Variants in ADAMTS12 observed in about 807,000 individuals in gnomAD.
ADAMTS12 encodes the protein A disintegrin and metalloproteinase with thrombospondin motifs 12.
ADAMTS12 carries 118 observed loss-of-function variants against 167.8 expected under a neutral mutation model. The ratio of observed to expected loss-of-function variants is 0.70; its 90% CI spans 0.61 to 0.82. The LOEUF is 0.82. Ranked by LOEUF, ADAMTS12 falls within the 40% of genes least tolerant of loss-of-function variation. ADAMTS12 has a pLI of 0.00. For synonymous variants in ADAMTS12, 704 were observed against 716.9 expected (o/e 0.98, Z 0.29); for missense variants, 1,916 against 1,998.8 (o/e 0.96, Z 0.79).
chr5:33,527,243 G>A lies in ADAMTS12; in HGVS notation c.4730C>T (p.Thr1577Ile). The stretch of plus-strand genomic sequence containing the variant: ...TTGCCTTCTTTGCCTTTGGGTGTGT[G>A]TGATGTGTGTCTGGGGACACGAGAA... ...CCFSCPQTHI[T>I]HTQRQRRQRL... is the part of the protein sequence containing the mutation. The change falls in exon 24 of 24, where the codon ACA becomes ATA. Residue 1577 changes from threonine to isoleucine, a missense_variant. Transcript: ENST00000504830. The A allele has an allele frequency of 1.2e-6, 2 of 1,614,140 alleles. No homozygotes were observed. The highest frequency in any genetic ancestry group is 1.7e-6 in the Non-Finnish European group (2 of 1,180,028).
intron 2 of ADAMTS12, among the ~76,000 whole-genome samples, chr5:33,835,933 CTCTCTCTCTCTCTCTCTCTCTGTG>C (rs1233639050): frequency 1.9e-5 from 1 of 52,362 alleles, no homozygotes; most frequent in African/African-American, 5.8e-5. Flanking sequence ...CTCTCTCTCT[CTCTCTCTCTCTCTCTCTCTCTGTG>C]TGTGTGTGTG....
chr5:33,586,571 T>C (rs956248941), intron 18 of ADAMTS12, among the ~76,000 whole-genome samples: 1 of 152,202 alleles, frequency 6.6e-6, no homozygotes, highest in African/African-American at 2.4e-5. Context: ...CCCATAAACG[T>C]GAACACATTA....
intron 23 of ADAMTS12, among the ~76,000 whole-genome samples, chr5:33,530,083 C>A (rs1346349058): frequency 8.4e-6 from 1 of 119,364 alleles, no homozygotes; most frequent in African/African-American, 3.8e-5. Context: ...CCATGCCCAG[C>A]TAATTTTTTT....
At chr5:33,543,946 T>G (rs1744834408) in intron 22 of ADAMTS12, among the ~76,000 whole-genome samples, 1 of 152,150 alleles carries the variant, frequency 6.6e-6, no homozygotes, top group African/African-American at 2.4e-5. Flanking sequence ...CTTTGAAAAC[T>G]GGCACAAGAC....
intron 16 of ADAMTS12, among the ~76,000 whole-genome samples, chr5:33,610,090 A>G (rs921740100): frequency 1.3e-5 from 2 of 152,204 alleles, no homozygotes; most frequent in African/African-American, 4.8e-5. Context: ...GAGACAAGAG[A>G]GAATCACTTG....
At chr5:33,558,169 A>G (rs1031570024) in intron 20 of ADAMTS12, among the ~76,000 whole-genome samples, 1 of 152,178 alleles carries the variant, frequency 6.6e-6, no homozygotes, top group Non-Finnish European at 1.5e-5. Context: ...AGTCCGTGGA[A>G]AAAGAATTTT....
At chr5:33,858,116 A>T (rs2111677655) in intron 2 of ADAMTS12, among the ~76,000 whole-genome samples, 1 of 152,358 alleles carries the variant, frequency 6.6e-6, no homozygotes, top group Admixed American at 6.5e-5. Flanking sequence ...AAGAATTGAA[A>T]TAATATAAAC....
intron 14 of ADAMTS12, 55 bp downstream of exon 14, chr5:33,624,176 A>G: frequency 1.2e-6 from 2 of 1,608,624 alleles, no homozygotes; most frequent in Non-Finnish European, 1.7e-6. Context: ...TCAACCATTT[A>G]TCTTGCCCCC....
chr5:33,600,410 T>C (rs1738131036), intron 16 of ADAMTS12, among the ~76,000 whole-genome samples: 1 of 152,304 alleles, frequency 6.6e-6, no homozygotes, highest in African/African-American at 2.4e-5. Flanking sequence ...ACATAGCTCA[T>C]CATATTCTCA....
chr5:33,865,487 T>C (rs1749783769), intron 2 of ADAMTS12, among the ~76,000 whole-genome samples: 1 of 152,112 alleles, frequency 6.6e-6, no homozygotes, highest in Non-Finnish European at 1.5e-5. Context: ...AAAAGCCATA[T>C]ATGACAAACC....
intron 2 of ADAMTS12, among the ~76,000 whole-genome samples, chr5:33,766,778 T>C (rs1428899374): frequency 6.6e-6 from 1 of 152,170 alleles, no homozygotes; most frequent in Non-Finnish European, 1.5e-5. Flanking sequence ...TTTAAAATTA[T>C]CCCGTAGTAA....
intron 3 of ADAMTS12, among the ~76,000 whole-genome samples, chr5:33,720,206 G>A (rs183485660): frequency 1.3e-5 from 2 of 151,608 alleles, no homozygotes; most frequent in East Asian, 3.9e-4. Context: ...GAATGAAAGG[G>A]ATTTTTTGGC....
chr5:33,808,353 G>A (rs960755810), intron 2 of ADAMTS12, among the ~76,000 whole-genome samples: 4 of 152,100 alleles, frequency 2.6e-5, no homozygotes, highest in African/African-American at 9.7e-5. Context: ...TCTGATCTCC[G>A]TTATGCCCCA....
chr5:33,731,305 C>G (rs921437232), intron 3 of ADAMTS12, among the ~76,000 whole-genome samples: 2 of 151,958 alleles, frequency 1.3e-5, no homozygotes, highest in African/African-American at 4.8e-5. Context: ...CATGTCTCAG[C>G]CTTCCGAGTA....
chr5:33,556,206 T>C (rs1396486891), intron 20 of ADAMTS12, among the ~76,000 whole-genome samples: 2 of 152,160 alleles, frequency 1.3e-5, no homozygotes, highest in African/African-American at 2.4e-5. Context: ...AGCTCCTAAG[T>C]AGTTAGATGA....
At chr5:33,724,147 C>G (rs1213759562) in intron 3 of ADAMTS12, among the ~76,000 whole-genome samples, 1 of 152,208 alleles carries the variant, frequency 6.6e-6, no homozygotes, top group East Asian at 1.9e-4. Flanking sequence ...TCAGTATTCT[C>G]TCTTCTATTA....
At chr5:33,736,343 G>T (rs560767454) in intron 3 of ADAMTS12, among the ~76,000 whole-genome samples, 1 of 152,282 alleles carries the variant, frequency 6.6e-6, no homozygotes, top group South Asian at 2.1e-4. Flanking sequence ...GATTACAGGC[G>T]TGAGCCACCA....
chr5:33,816,743 G>T (rs1469317122), intron 2 of ADAMTS12, among the ~76,000 whole-genome samples: 3 of 152,300 alleles, frequency 2.0e-5, no homozygotes, highest in South Asian at 4.1e-4. Flanking sequence ...AAGCACAGGG[G>T]TGTCTGGGGG....
At chr5:33,865,535 G>A (rs1028791947) in intron 2 of ADAMTS12, among the ~76,000 whole-genome samples, 3 of 152,120 alleles carry the variant, frequency 2.0e-5, no homozygotes, top group Non-Finnish European at 4.4e-5. Flanking sequence ...GAAGTTTAAA[G>A]CATTGCCTCT....
Sources: allele counts gnomAD v4.1 joint callset (sites outside exome capture counted in the v4.1 genomes callset), GRCh38; gene constraint gnomAD v4.1.1; transcripts MANE v1.5; gene names NCBI Gene and HGNC (gene_info 2026-07-23, HGNC 2026-07-21).